Variants in SLC14A2 observed in about 807,000 individuals in gnomAD.
The protein encoded by SLC14A2 is urea transporter 2.
SLC14A2 carries 91 observed loss-of-function variants against 104.6 expected under a neutral mutation model. The ratio of observed to expected loss-of-function variants is 0.87; its 90% CI spans 0.73 to 1.04. The LOEUF is 1.04. Ranked by LOEUF, SLC14A2 falls within the 50% of genes least tolerant of loss-of-function variation. SLC14A2 has a pLI of 0.00. For synonymous variants in SLC14A2, 476 were observed against 466.4 expected (o/e 1.02, Z -0.27); for missense variants, 1,189 against 1,156.0 (o/e 1.03, Z -0.41).
chr18:45,229,077 C>G (rs2084148739), intron 1 of SLC14A2, among the ~76,000 whole-genome samples: 1 of 152,196 alleles, frequency 6.6e-6, no homozygotes, highest in South Asian at 2.1e-4. Flanking sequence ...GTATGTTTCC[C>G]TGCTTTTGCA....
chr18:45,273,235 A>G (rs995897902), intron 1 of SLC14A2, among the ~76,000 whole-genome samples: 2 of 152,142 alleles, frequency 1.3e-5, no homozygotes, highest in African/African-American at 2.4e-5. Flanking sequence ...AACAGTTCCA[A>G]GATTACATCC....
At chr18:45,549,690 G>C (rs2044029166) in intron 2 of SLC14A2, among the ~76,000 whole-genome samples, 1 of 152,228 alleles carries the variant, frequency 6.6e-6, no homozygotes, top group Non-Finnish European at 1.5e-5. Context: ...TTTGCAGCCT[G>C]GCAAGGGAGT....
intron 1 of SLC14A2, among the ~76,000 whole-genome samples, chr18:45,243,709 A>C (rs2084340574): frequency 6.6e-6 from 1 of 152,220 alleles, no homozygotes; most frequent in African/African-American, 2.4e-5. Context: ...CTGGAAATCA[A>C]GGAGGCTGGT....
At chr18:45,508,706 A>C (rs2043321936) in intron 2 of SLC14A2, among the ~76,000 whole-genome samples, 1 of 152,190 alleles carries the variant, frequency 6.6e-6, no homozygotes, top group African/African-American at 2.4e-5. Flanking sequence ...TGGGTCACCC[A>C]ATCTTCTGGA....
At chr18:45,425,682 C>A (rs1310000572) in intron 1 of SLC14A2, among the ~76,000 whole-genome samples, 1 of 152,164 alleles carries the variant, frequency 6.6e-6, no homozygotes, top group African/African-American at 2.4e-5. Flanking sequence ...TTTTAAATAT[C>A]TTCTAGTAAC....
chr18:45,681,962 G>T (rs1047145830), intron 19 of SLC14A2, among the ~76,000 whole-genome samples: 1 of 152,226 alleles, frequency 6.6e-6, no homozygotes, highest in South Asian at 2.1e-4. Flanking sequence ...GCTGATGGGA[G>T]AAGACACAGG....
At chr18:45,329,773 G>A (rs190170011) in intron 1 of SLC14A2, among the ~76,000 whole-genome samples, 2 of 152,084 alleles carry the variant, frequency 1.3e-5, no homozygotes, top group African/African-American at 4.8e-5. Context: ...ATTTGGGAAG[G>A]AAAAAGATAG....
the SLC14A2 span, among the ~76,000 whole-genome samples, chr18:45,199,982 C>G: frequency 6.6e-6 from 1 of 152,110 alleles, no homozygotes; most frequent in Admixed American, 6.5e-5. Flanking sequence ...ATTAAAGAAC[C>G]CTAGCTGGAC....
At chr18:45,586,911 T>C (rs2144374939) in intron 2 of SLC14A2, among the ~76,000 whole-genome samples, 1 of 152,204 alleles carries the variant, frequency 6.6e-6, no homozygotes, top group Non-Finnish European at 1.5e-5. Context: ...TCCCTATCAA[T>C]TTAAGAACTT....
intron 2 of SLC14A2, among the ~76,000 whole-genome samples, chr18:45,510,232 A>C (rs1318322988): frequency 6.6e-6 from 1 of 152,188 alleles, no homozygotes; most frequent in Admixed American, 6.5e-5. Flanking sequence ...ATGTGACAAT[A>C]GATTTGTGTT....
chr18:45,662,975 C>G (rs2045957543), intron 10 of SLC14A2, among the ~76,000 whole-genome samples: 1 of 151,996 alleles, frequency 6.6e-6, no homozygotes, highest in African/African-American at 2.4e-5. Context: ...TTGAGAGACC[C>G]TATCCCAAGT....
chr18:45,597,695 A>C (rs72906339), intron 2 of SLC14A2, among the ~76,000 whole-genome samples: 12,213 of 152,230 alleles, frequency 0.08, 664 homozygotes, highest in Non-Finnish European at 0.12. Context: ...ACTCTGCTAC[A>C]TATTCAAAGG....
chr18:45,218,592 T>C (rs2084031879), intron 1 of SLC14A2, among the ~76,000 whole-genome samples: 1 of 152,248 alleles, frequency 6.6e-6, no homozygotes, highest in African/African-American at 2.4e-5. Flanking sequence ...TAGCATTTCC[T>C]CTGAGGCAGT....
At chr18:45,659,348 T>G (rs1021783402) in intron 10 of SLC14A2, among the ~76,000 whole-genome samples, 2 of 152,232 alleles carry the variant, frequency 1.3e-5, no homozygotes, top group African/African-American at 4.8e-5. Flanking sequence ...AATTATTGAG[T>G]GCTTATTGTA....
chr18:45,174,822 CAG>C, the SLC14A2 span, among the ~76,000 whole-genome samples: 2 of 151,994 alleles, frequency 1.3e-5, no homozygotes, highest in Non-Finnish European at 2.9e-5. Context: ...TGCATATGAA[CAG>C]AGAGCTAACA....
chr18:45,673,541 G>A, intron 17 of SLC14A2, 142 bp from the exon 18 acceptor site: 1 of 871,816 alleles, frequency 1.1e-6, no homozygotes, highest in Non-Finnish European at 1.7e-6. Flanking sequence ...TTTTTTCACA[G>A]AATAAAGCCA....
At chr18:45,282,166 G>C (rs1022626975) in intron 1 of SLC14A2, among the ~76,000 whole-genome samples, 5 of 152,122 alleles carry the variant, frequency 3.3e-5, no homozygotes, top group African/African-American at 1.2e-4. Flanking sequence ...TCTGAGTCCA[G>C]AGAAGGGTTT....
chr18:45,493,467 C>T (rs1359786849), intron 2 of SLC14A2, among the ~76,000 whole-genome samples: 4 of 152,170 alleles, frequency 2.6e-5, no homozygotes. Context: ...AATAGCAACA[C>T]CTATAATAAC....
intron 1 of SLC14A2, among the ~76,000 whole-genome samples, chr18:45,443,999 G>A (rs1238984006): frequency 6.6e-6 from 1 of 152,110 alleles, no homozygotes; most frequent in Non-Finnish European, 1.5e-5. Flanking sequence ...ATGGAGAGTG[G>A]GTCCCTGGAA....
Sources: gnomAD v4.1 joint callset for allele counts (sites outside exome capture counted in the v4.1 genomes callset) on GRCh38, gnomAD v4.1.1 for gene constraint, MANE v1.5 for transcripts, NCBI Gene and HGNC (gene_info 2026-07-23, HGNC 2026-07-21) for gene names.